The following MARCHF1 variants were observed in gnomAD, a reference collection of about 807,000 sequenced individuals.
MARCHF1 encodes the protein E3 ubiquitin-protein ligase MARCHF1.
Under a neutral mutation model 54.2 loss-of-function variants are expected in MARCHF1, and 40 were observed. That is an observed-to-expected ratio of 0.74 (90% CI 0.57 to 0.96). The LOEUF (loss-of-function observed/expected upper bound fraction) is 0.96, where lower values mean the gene tolerates loss of function less well. MARCHF1 is among the 40% of genes least tolerant of loss of function. MARCHF1 has a pLI of 0.00. For missense variants in MARCHF1, 586 were observed against 656.5 expected, an observed-to-expected ratio of 0.89 and a Z score of 1.17; for synonymous variants, 236 against 236.3, an observed-to-expected ratio of 1.00 and a Z score of 0.01.
intron 4 of MARCHF1, among the ~76,000 whole-genome samples, chr4:163,802,431 T>C (rs1748107659): frequency 6.6e-6 from 1 of 152,222 alleles, no homozygotes; most frequent in South Asian, 2.1e-4. Flanking sequence ...CTTCATATTT[T>C]ATGATTTTAA....
intron 8 of MARCHF1, among the ~76,000 whole-genome samples, chr4:163,561,885 C>G (rs1311617782): frequency 6.6e-6 from 1 of 152,202 alleles, no homozygotes; most frequent in Non-Finnish European, 1.5e-5. Flanking sequence ...CCTATAGCTA[C>G]TGACTTGCTT....
chr4:163,945,497 A>G (rs1303053121), intron 3 of MARCHF1, among the ~76,000 whole-genome samples: 2 of 152,192 alleles, frequency 1.3e-5, no homozygotes, highest in Non-Finnish European at 2.9e-5. Flanking sequence ...AGTGTATCCA[A>G]CAGTTAAGTT....
chr4:164,240,942 C>G (rs549247308), intron 1 of MARCHF1, among the ~76,000 whole-genome samples: 1 of 152,276 alleles, frequency 6.6e-6, no homozygotes, highest in African/African-American at 2.4e-5. Context: ...ACCAGCCGTT[C>G]TTCCCTAGCT....
chr4:164,180,035 C>T (rs561577126), intron 1 of MARCHF1, among the ~76,000 whole-genome samples: 271 of 150,842 alleles, frequency 1.8e-3, no homozygotes, highest in African/African-American at 6.4e-3. Flanking sequence ...AGTGACTTAT[C>T]TTTGTACTTT....
At chr4:163,702,537 G>A (rs151335934) in intron 4 of MARCHF1, among the ~76,000 whole-genome samples, 1 of 152,018 alleles carries the variant, frequency 6.6e-6, no homozygotes, top group African/African-American at 2.4e-5. Context: ...CAGGAATCAC[G>A]CAAAATAAGA....
At chr4:164,088,912 T>G (rs1164903890) in intron 2 of MARCHF1, among the ~76,000 whole-genome samples, 1 of 152,196 alleles carries the variant, frequency 6.6e-6, no homozygotes, top group Non-Finnish European at 1.5e-5. Flanking sequence ...AGATACATGC[T>G]AAAATTGAAA....
At chr4:163,932,794 T>C (rs935471584) in intron 3 of MARCHF1, 2 of 604,332 alleles carry the variant, frequency 3.3e-6, no homozygotes, top group Non-Finnish European at 6.5e-6. Context: ...CTGAGATCGA[T>C]CGGCACCATG....
intron 1 of MARCHF1, among the ~76,000 whole-genome samples, chr4:164,175,135 A>G (rs1730629533): frequency 6.6e-6 from 1 of 152,204 alleles, no homozygotes; most frequent in Admixed American, 6.5e-5. Flanking sequence ...TCTTTATAGT[A>G]AAGATAATAT....
intron 3 of MARCHF1, among the ~76,000 whole-genome samples, chr4:163,860,386 A>G (rs1749892220): frequency 6.6e-6 from 1 of 152,186 alleles, no homozygotes; most frequent in African/African-American, 2.4e-5. Context: ...CTATGGTGGT[A>G]CTAGCAGGGG....
At chr4:164,203,029 T>C (rs141130151) in intron 1 of MARCHF1, among the ~76,000 whole-genome samples, 9 of 151,342 alleles carry the variant, frequency 5.9e-5, no homozygotes, top group Middle Eastern at 3.4e-3. Context: ...ACAGAGTAGA[T>C]TGAGTTTCTG....
intron 5 of MARCHF1, among the ~76,000 whole-genome samples, chr4:163,633,960 G>T (rs908013646): frequency 3.9e-5 from 6 of 152,212 alleles, no homozygotes; most frequent in African/African-American, 1.4e-4. Context: ...TTAAAGAAAA[G>T]AATTTTCAAC....
chr4:164,057,828 T>C (rs1395666527), intron 2 of MARCHF1, among the ~76,000 whole-genome samples: 1 of 152,206 alleles, frequency 6.6e-6, no homozygotes. Context: ...GCAAACACCC[T>C]TAGCTGACAA....
chr4:164,142,838 C>G (rs1203664701), intron 1 of MARCHF1, among the ~76,000 whole-genome samples: 1 of 152,110 alleles, frequency 6.6e-6, no homozygotes, highest in African/African-American at 2.4e-5. Context: ...CTTTGACGAG[C>G]TGAGAGAAGA....
Position 164,326,429 on chromosome 4 carries a change from G to A in MARCHF1, c.-323+57441C>T, listed in dbSNP as rs191488870. Among the ~76,000 whole-genome samples, 3 of 152,192 alleles carry A rather than the reference G, an allele frequency of 2.0e-5. No individual in the cohort carries two copies. In the East Asian group the frequency reaches 5.8e-4, roughly 29 times the overall value. On this transcript the variant is annotated intron_variant, in intron 1 of 9. Coordinates refer to ENST00000514618, the MANE Select transcript of MARCHF1 (RefSeq NM_001394959.1). ...ATTCTTCCAAAAATAAGGATTAATT[G>A]GATACCAAGAGAGATACAGGTAATC...
chr4:164,009,947 T>C (rs1560860214), intron 2 of MARCHF1, among the ~76,000 whole-genome samples: 2 of 151,710 alleles, frequency 1.3e-5, no homozygotes, highest in South Asian at 4.1e-4. Flanking sequence ...GACAGAGCAA[T>C]TAGGCAAGAG....
In MARCHF1 at chr4:163,798,816, G is replaced by T. The variant is rs149338038; in HGVS notation, c.111+55205C>A. Among the ~76,000 whole-genome samples the T allele has an allele frequency of 1.9e-3, 284 of 152,190 alleles. 1 individual carries two copies. The highest frequency in any genetic ancestry group is 6.6e-3 in the African/African-American group (274 of 41,554). On this transcript the variant is annotated intron_variant, in intron 4 of 9. Transcript: ENST00000514618. ...GGGAATGGAAAAAAGGCTATAAAAA[G>T]TAGTACAAAGAGTAGGCACATCCCT...
chr4:164,048,892 A>C (rs373818568), intron 2 of MARCHF1, among the ~76,000 whole-genome samples: 2 of 152,104 alleles, frequency 1.3e-5, no homozygotes, highest in Non-Finnish European at 2.9e-5. Flanking sequence ...TTTACCTATA[A>C]AGGGAAAAAA....
At chr4:163,803,143 T>C (rs1188611528) in intron 4 of MARCHF1, among the ~76,000 whole-genome samples, 2 of 152,180 alleles carry the variant, frequency 1.3e-5, no homozygotes, top group Non-Finnish European at 2.9e-5. Context: ...TTTAAAATAA[T>C]ATTGTCTCAA....
chr4:164,207,288 G>A (rs1731633063), intron 1 of MARCHF1, among the ~76,000 whole-genome samples: 1 of 152,268 alleles, frequency 6.6e-6, no homozygotes, highest in South Asian at 2.1e-4. Context: ...TTAATCCATT[G>A]TGGGCCAATA....
Sources: allele counts gnomAD v4.1 joint callset (sites outside exome capture counted in the v4.1 genomes callset), GRCh38; gene constraint gnomAD v4.1.1; transcripts MANE v1.5; gene names NCBI Gene and HGNC (gene_info 2026-07-23, HGNC 2026-07-21).